ABCA6: variants seen among roughly 807,000 people sequenced by gnomAD.
The protein encoded by ABCA6 is ATP-binding cassette sub-family A member 6.
A neutral mutation model predicts 191.2 loss-of-function variants in ABCA6; 164 were observed. The ratio of observed to expected loss-of-function variants is 0.86; its 90% CI spans 0.76 to 0.98. ABCA6 has a LOEUF of 0.98. Ranked by LOEUF, ABCA6 falls within the 50% of genes least tolerant of loss-of-function variation. The pLI, the probability that ABCA6 is intolerant of heterozygous loss-of-function variation, is 0.00. For missense variants in ABCA6, 1,958 were observed against 1,894.1 expected, an observed-to-expected ratio of 1.03 and a Z score of -0.63; for synonymous variants, 636 against 647.7, an observed-to-expected ratio of 0.98 and a Z score of 0.27.
At position 69,086,486 on chromosome 17, in the gene ABCA6, A is replaced by AATATATATATATAT. The variant is rs68086602; in HGVS notation, c.3937+118_3937+131dup. 1,185 of 163,232 alleles carry AATATATATATATAT rather than the reference A, an allele frequency of 7.3e-3. 15 individuals carry two copies. Among genetic ancestry groups the AATATATATATATAT allele is most frequent in the African/African-American group, 0.017 (655 of 38,234 alleles). 10.1% of individuals were successfully genotyped at this position (163,232 alleles called of 1,614,324 possible). A position where few individuals can be genotyped will look rare whatever the true frequency, so the allele number is the denominator to read the frequency against. The stretch of plus-strand genomic sequence containing the variant: ...GTCTAAAACACTCCCTGGCACACTA[A>AATATATATATATAT]ATATATATATATATATATATATATA... On this transcript the variant is annotated intron_variant, in intron 30 of 38. Transcript: ENST00000284425.
intron 34 of ABCA6, among the ~76,000 whole-genome samples, chr17:69,083,761 G>A (rs1334876972): frequency 2.0e-5 from 3 of 151,946 alleles, no homozygotes; most frequent in Non-Finnish European, 2.9e-5. Context: ...GAAAAGTATC[G>A]GACAGTGACC....
At chr17:69,127,475 A>G (rs2073775341) in intron 8 of ABCA6, among the ~76,000 whole-genome samples, 1 of 152,128 alleles carries the variant, frequency 6.6e-6, no homozygotes, top group African/African-American at 2.4e-5. Flanking sequence ...TGGATAGGTA[A>G]TTTATAAAAA....
At chr17:69,133,983 T>C (rs2073908649) in intron 5 of ABCA6, 116 bp from the exon 6 acceptor site, 2 of 675,280 alleles carry the variant, frequency 3.0e-6, no homozygotes, top group Non-Finnish European at 2.4e-6. Context: ...TACTGTACTG[T>C]AGTTATGCAA....
At chr17:69,117,979 T>C (rs762943150) in intron 10 of ABCA6, 23 bp from the exon 11 acceptor site, 3 of 1,550,146 alleles carry the variant, frequency 1.9e-6, no homozygotes, top group Non-Finnish European at 2.7e-6. Context: ...AAAGGGTGCT[T>C]ACTTAGCCAA....
Position 69,133,789 on chromosome 17 carries a change from T to C in ABCA6, c.643A>G (p.Lys215Glu). Residue 215 changes from lysine to glutamate, a missense_variant, in exon 6 of 39, where the codon AAA (lysine) becomes GAA (glutamate). By Grantham distance (56) the Lys-to-Glu change is moderately conservative. Transcript: ENST00000284425. Reference sequence around the variant, plus strand: ...AACATCTCATTGTGAAGAAGATTTTTAGTTATGAAAGGTAATGTCTTCATA... The same window carrying C: ...AACATCTCATTGTGAAGAAGATTTTCAGTTATGAAAGGTAATGTCTTCATA... ...ITMKTLPFIT[K>E]NLLHNEMFIL... 6.2e-7 allele frequency: 1 copy of C among 1,613,188 alleles called. No individual in the cohort carries two copies. Among genetic ancestry groups the C allele is most frequent in the Admixed American group, 1.7e-5 (1 of 59,982 alleles).
At chr17:69,136,763 AT>A (rs1269212424) in intron 3 of ABCA6, among the ~76,000 whole-genome samples, 9 of 152,180 alleles carry the variant, frequency 5.9e-5, no homozygotes. Flanking sequence ...TGAATGAAAT[AT>A]GCATTTTGCT....
intron 24 of ABCA6, 22 bp from the exon 25 acceptor site, chr17:69,096,375 A>C: frequency 7.8e-7 from 1 of 1,279,718 alleles, no homozygotes. Flanking sequence ...AGAAATAATA[A>C]CATAGTCAAA....
chr17:69,086,383 T>G (rs938685514), intron 30 of ABCA6, among the ~76,000 whole-genome samples: 10 of 151,982 alleles, frequency 6.6e-5, no homozygotes, highest in Admixed American at 1.3e-4. Context: ...CGTTTCCAAA[T>G]GTGTCTGAGT....
chr17:69,085,822 C>A (rs1203246826), intron 30 of ABCA6, 106 bp from the exon 31 acceptor site: 9 of 741,522 alleles, frequency 1.2e-5, no homozygotes, highest in African/African-American at 7.2e-5. Context: ...TCAGTTAGTA[C>A]CATTTTGAGA....
intron 1 of ABCA6, 39 bp from the exon 2 acceptor site, chr17:69,140,787 T>G (rs1023238270): frequency 1.3e-6 from 1 of 767,412 alleles, no homozygotes; most frequent in Non-Finnish European, 2.0e-6. Context: ...ACCTTGATCA[T>G]AGTGTTGAGG....
intron 6 of ABCA6, among the ~76,000 whole-genome samples, chr17:69,132,683 T>A (rs180756514): frequency 6.6e-6 from 1 of 152,172 alleles, no homozygotes; most frequent in Non-Finnish European, 1.5e-5. Context: ...TTTCACCATG[T>A]TGGTCATGCT....
chr17:69,133,101 G>A (rs2073893870), intron 6 of ABCA6, among the ~76,000 whole-genome samples: 1 of 152,168 alleles, frequency 6.6e-6, no homozygotes, highest in South Asian at 2.1e-4. Flanking sequence ...TGTGTTGTAT[G>A]TCCTAGGAAT....
chr17:69,123,158 TATA>T (rs959617462), intron 10 of ABCA6, 78 bp downstream of exon 10: 27 of 928,540 alleles, frequency 2.9e-5, no homozygotes, highest in Middle Eastern at 4.1e-4. Flanking sequence ...AAACTTAAAG[TATA>T]ATAATAATAA....
chr17:69,089,374 T>A, intron 27 of ABCA6, 91 bp downstream of exon 27: 1 of 1,248,558 alleles, frequency 8.0e-7, no homozygotes, highest in East Asian at 2.3e-5. Context: ...AAAAACACTT[T>A]CAAAATGGCA....
chr17:69,123,236 T>C lies in ABCA6; in HGVS notation c.1436+3A>G. The C allele has an allele frequency of 6.9e-7, 1 of 1,458,020 alleles. No individual in the cohort carries two copies. The highest frequency in any genetic ancestry group is 9.2e-7 in the Non-Finnish European group (1 of 1,091,186). 90.3% of individuals were successfully genotyped at this position (1,458,020 alleles called of 1,614,324 possible). ...CATTAGTATTACTTATAAGTGTGAT[T>C]ACCTGATGGCTTCTTTTCCTTGGAA... is the stretch of plus-strand genomic sequence containing the variant. On this transcript the variant is annotated splice_donor_region_variant and intron_variant, in intron 10 of 38. Transcript: ENST00000284425.
At position 69,114,933 on chromosome 17, in the gene ABCA6, T is replaced by G. The variant is rs1359623481; in HGVS notation, c.1611A>C (p.Ser537=). Reference sequence around the variant, plus strand: ...AGAGATTTTTATTATAGATGGTAACTGATCCTAAGAATAGAAGTTAAAAAT... The same window carrying G: ...AGAGATTTTTATTATAGATGGTAACGGATCCTAAGAATAGAAGTTAAAAAT... ...LNGLSVPTEG[S]VTIYNKNLSE... is the part of the protein sequence containing the mutation. Residue 537 remains serine, a synonymous_variant, in exon 13 of 39, where the codon TCA becomes TCC. Coordinates refer to ENST00000284425, the MANE Select transcript of ABCA6 (RefSeq NM_080284.3). 80 of 1,601,538 alleles carry G rather than the reference T, an allele frequency of 5.0e-5. No individual in the cohort carries two copies. Among genetic ancestry groups the G allele is most frequent in the Non-Finnish European group, 6.7e-5 (79 of 1,173,354 alleles).
Position 69,081,376 on chromosome 17 carries a change from A to T in ABCA6, c.4617-231T>A, listed in dbSNP as rs182165286. On this transcript the variant is annotated intron_variant, in intron 36 of 38. Transcript: ENST00000284425. ...GCATAATTATATATGTGCTCAGCTT[A>T]TGCAAAACCTTTGCGTGTTGAAAAT... Among the ~76,000 whole-genome samples, 14 of 152,336 alleles carry T rather than the reference A, an allele frequency of 9.2e-5. No individual in the cohort carries two copies. The East Asian group carries it at 1.9e-3, about 21-fold the overall frequency.
chr17:69,117,987 C>T, intron 10 of ABCA6, 31 bp from the exon 11 acceptor site: 1 of 1,516,278 alleles, frequency 6.6e-7, no homozygotes, highest in Non-Finnish European at 9.1e-7. Context: ...CTTACTTAGC[C>T]AACACAGAAG....
chr17:69,117,608 A>T (rs958432656), intron 11 of ABCA6, among the ~76,000 whole-genome samples: 4 of 151,966 alleles, frequency 2.6e-5, no homozygotes, highest in African/African-American at 9.7e-5. Context: ...TTCTTTCCTC[A>T]CAGTGACAAT....
Sources: allele counts gnomAD v4.1 joint callset (sites outside exome capture counted in the v4.1 genomes callset), GRCh38; gene constraint gnomAD v4.1.1; transcripts MANE v1.5; gene names NCBI Gene and HGNC (gene_info 2026-07-23, HGNC 2026-07-21).